The following RFX3 variants were observed in gnomAD, a reference collection of about 807,000 sequenced individuals.
RFX3 encodes the protein transcription factor RFX3.
Under a neutral mutation model 98.6 loss-of-function variants are expected in RFX3, and 14 were observed. The observed-to-expected ratio is 0.14, with a 90% confidence interval of 0.09 to 0.22. RFX3 has a LOEUF of 0.22. RFX3 is among the 10% of genes least tolerant of loss of function. The probability of loss-of-function intolerance (pLI) is 1.00; values close to 1 mark genes in which losing one functional copy is unlikely to be tolerated. For missense variants in RFX3, 639 were observed against 926.9 expected (o/e 0.69, Z 4.03); for synonymous variants, 383 against 328.4 (o/e 1.17, Z -1.80).
chr9:3,452,320 T>C (rs7862896), intron 1 of RFX3: 71 of 262,772 alleles, frequency 2.7e-4, no homozygotes, highest in South Asian at 2.1e-3. Flanking sequence ...GCCAGGCACA[T>C]TGGCTCATGC....
chr9:3,344,657 C>G (rs1834244295), intron 3 of RFX3: 1 of 579,954 alleles, frequency 1.7e-6, no homozygotes, highest in Middle Eastern at 2.6e-4. Flanking sequence ...CTACAAACTC[C>G]CATTCTCACA....
chr9:3,521,612 T>A (rs953265622), intron 1 of RFX3, among the ~76,000 whole-genome samples: 5 of 152,192 alleles, frequency 3.3e-5, no homozygotes, highest in Non-Finnish European at 5.9e-5. Flanking sequence ...ATAGTTTTTT[T>A]ATTTACTGCA....
At chr9:3,361,140 G>A (rs965371615) in intron 2 of RFX3, among the ~76,000 whole-genome samples, 3 of 152,120 alleles carry the variant, frequency 2.0e-5, no homozygotes, top group African/African-American at 7.2e-5. Flanking sequence ...GAACAGTTAC[G>A]GTAGAGGCTG....
intron 1 of RFX3, among the ~76,000 whole-genome samples, chr9:3,454,384 T>C (rs1442944907): frequency 2.0e-5 from 3 of 152,204 alleles, no homozygotes; most frequent in African/African-American, 4.8e-5. Flanking sequence ...TATTGAGAAT[T>C]TTTTTATACT....
intron 4 of RFX3, among the ~76,000 whole-genome samples, chr9:3,303,585 C>T (rs948976105): frequency 6.6e-6 from 1 of 151,658 alleles, no homozygotes; most frequent in Admixed American, 6.6e-5. Context: ...AAGGAGAAGT[C>T]CATGCTCTCA....
chr9:3,444,161 A>G lies in RFX3; in HGVS notation c.-8-48565T>C, dbSNP rs143730599. The stretch of plus-strand genomic sequence containing the variant: ...GATAATCAATAAATAGACATAATTC[A>G]ATTATCTACCAACAGGTGAATATAT... On this transcript the variant is annotated intron_variant, in intron 1 of 16. Transcript: ENST00000617270. Among the ~76,000 whole-genome samples the G allele has an allele frequency of 1.6e-3, 251 of 152,342 alleles. 1 individual carries two copies. Among genetic ancestry groups the G allele is most frequent in the African/African-American group, 5.8e-3 (243 of 41,586 alleles).
At chr9:3,418,785 A>C (rs2132308752) in intron 1 of RFX3, among the ~76,000 whole-genome samples, 1 of 152,248 alleles carries the variant, frequency 6.6e-6, no homozygotes, top group East Asian at 1.9e-4. Flanking sequence ...CTTAGAATTC[A>C]TATTTTTAAA....
intron 2 of RFX3, among the ~76,000 whole-genome samples, chr9:3,391,310 G>A (rs904151542): frequency 6.6e-6 from 1 of 151,794 alleles, no homozygotes. Context: ...CTTCAAACAT[G>A]ACACTATTCT....
At chr9:3,490,381 T>C in intron 1 of RFX3, 1 of 848,322 alleles carries the variant, frequency 1.2e-6, no homozygotes, top group Non-Finnish European at 1.4e-6. Flanking sequence ...TAGTTCACAT[T>C]AAAAATGAAT....
chr9:3,381,720 A>T (rs1839213585), intron 2 of RFX3, among the ~76,000 whole-genome samples: 1 of 152,034 alleles, frequency 6.6e-6, no homozygotes. Flanking sequence ...ACTACTAATA[A>T]AAAGCACAGA....
intron 15 of RFX3, among the ~76,000 whole-genome samples, chr9:3,232,075 C>G (rs1818546351): frequency 6.7e-6 from 1 of 149,764 alleles, no homozygotes; most frequent in Non-Finnish European, 1.5e-5. Context: ...AGCAAGCAAA[C>G]AAACAAAAAA....
At position 3,219,279 on chromosome 9, in the gene RFX3, A is replaced by G. The variant is rs1817221707; in HGVS notation, c.*5763T>C. ...TTCAAAAATACTAATTTACTGAAGGAAAAATTTACTTGGTTATCAACAGTC... is the reference window on the plus strand; with the variant it reads ...TTCAAAAATACTAATTTACTGAAGGGAAAATTTACTTGGTTATCAACAGTC... On this transcript the variant is annotated 3_prime_UTR_variant, in exon 17 of 17. Coordinates refer to ENST00000617270, the MANE Select transcript of RFX3 (RefSeq NM_001282116.2). 1 of 152,174 alleles carries G rather than the reference A, an allele frequency of 6.6e-6. No individual in the cohort carries two copies. The highest frequency in any genetic ancestry group is 1.5e-5 in the Non-Finnish European group (1 of 68,028). The allele number at this position is 152,174 out of a possible 1,614,324, so 9.4% of individuals were successfully genotyped here.
At chr9:3,242,363 A>C (rs1379566307) in intron 15 of RFX3, among the ~76,000 whole-genome samples, 6 of 152,100 alleles carry the variant, frequency 3.9e-5, no homozygotes, top group Non-Finnish European at 4.4e-5. Flanking sequence ...AATTTTTGAC[A>C]AGTATTCCTT....
At chr9:3,365,119 G>C (rs1389834176) in intron 2 of RFX3, among the ~76,000 whole-genome samples, 2 of 151,960 alleles carry the variant, frequency 1.3e-5, no homozygotes, top group Non-Finnish European at 2.9e-5. Flanking sequence ...GGCCAACATG[G>C]TGAAACCCCG....
chr9:3,400,281 G>A (rs1841344840), intron 1 of RFX3: 4 of 796,706 alleles, frequency 5.0e-6, no homozygotes, highest in Non-Finnish European at 1.5e-6. Context: ...TACTTAATAG[G>A]AGGAATCTTA....
At chr9:3,279,775 T>C (rs1002346487) in intron 7 of RFX3, among the ~76,000 whole-genome samples, 32 of 151,944 alleles carry the variant, frequency 2.1e-4, no homozygotes, top group South Asian at 4.1e-4. Context: ...TGAAAGTTCC[T>C]AATGAAAGGA....
intron 14 of RFX3, among the ~76,000 whole-genome samples, chr9:3,252,917 C>T (rs751483370): frequency 3.9e-4 from 59 of 152,258 alleles, no homozygotes; most frequent in Non-Finnish European, 5.0e-4. Flanking sequence ...GTATCATTAA[C>T]GCTATGTCTA....
intron 1 of RFX3, among the ~76,000 whole-genome samples, chr9:3,422,788 T>TGG: frequency 6.6e-6 from 1 of 152,248 alleles, no homozygotes; most frequent in South Asian, 2.1e-4. Context: ...TATAAGACAC[T>TGG]GGGGTTCAGG....
intron 15 of RFX3, among the ~76,000 whole-genome samples, chr9:3,237,072 CCACTT>C (rs1819259385): frequency 6.6e-6 from 1 of 152,176 alleles, no homozygotes; most frequent in South Asian, 2.1e-4. Flanking sequence ...TCCTTTCTCT[CCACTT>C]CACAAGTACT....
Sources: gnomAD v4.1 joint callset for allele counts (sites outside exome capture counted in the v4.1 genomes callset) on GRCh38, gnomAD v4.1.1 for gene constraint, MANE v1.5 for transcripts, NCBI Gene and HGNC (gene_info 2026-07-23, HGNC 2026-07-21) for gene names.